Variants in MMP16 observed in about 807,000 individuals in gnomAD.
The protein encoded by MMP16 is matrix metallopeptidase 16, also known as matrix metalloproteinase-16.
MMP16 carries 12 observed loss-of-function variants against 67.8 expected under a neutral mutation model. The ratio of observed to expected loss-of-function variants is 0.18; its 90% CI spans 0.11 to 0.29. MMP16 has a LOEUF of 0.29. Ranked by LOEUF, MMP16 falls within the 10% of genes least tolerant of loss-of-function variation. MMP16 has a pLI of 1.00. For synonymous variants in MMP16, 249 were observed against 255.9 expected (o/e 0.97, Z 0.26); for missense variants, 475 against 765.7 (o/e 0.62, Z 4.48).
chr8:88,209,724 T>C (rs895178489), intron 1 of MMP16, among the ~76,000 whole-genome samples: 2 of 152,070 alleles, frequency 1.3e-5, no homozygotes, highest in African/African-American at 4.8e-5. Context: ...ATATTTGTCC[T>C]TTTGTGTCTG....
rs1456506081 is a variant in MMP16 at position 88,033,666 on chromosome 8, A to G, written c.*7795T>C. ...AAGATCTATTTGTTTAAAATCAGAT[A>G]CCTAAAAAAATCTTTCAAAACTTTT... is the stretch of plus-strand genomic sequence containing the variant. On this transcript the variant is annotated 3_prime_UTR_variant, in exon 10 of 10. Transcript: ENST00000286614. The G allele has an allele frequency of 1.3e-5, 2 of 152,048 alleles. No homozygotes were observed. The highest frequency in any genetic ancestry group is 4.8e-5 in the African/African-American group (2 of 41,432). The allele number at this position is 152,048 out of a possible 1,614,324, so 9.4% of individuals were successfully genotyped here.
intron 2 of MMP16, among the ~76,000 whole-genome samples, chr8:88,192,099 C>T (rs1809177680): frequency 6.6e-6 from 1 of 152,134 alleles, no homozygotes; most frequent in Non-Finnish European, 1.5e-5. Flanking sequence ...TTATAGTAGT[C>T]CCCAAAAGAT....
In MMP16 at chr8:88,097,919, A is replaced by G. The variant is rs372961692; in HGVS notation, c.1083+18588T>C. 9.9e-5 allele frequency among the ~76,000 whole-genome samples: 15 copies of G among 151,950 alleles called. No individual in the cohort carries two copies. In the East Asian group the frequency reaches 2.5e-3, roughly 26 times the overall value. On this transcript the variant is annotated intron_variant, in intron 6 of 9. Coordinates refer to ENST00000286614, the MANE Select transcript of MMP16 (RefSeq NM_005941.5). ...TGGAGTTAGACAAACTGTGAGCTTA[A>G]GGGCACACTACTCCAGATTGCCAGG...
chr8:88,294,369 T>C (rs551751447), intron 1 of MMP16, among the ~76,000 whole-genome samples: 7 of 151,174 alleles, frequency 4.6e-5, no homozygotes, highest in African/African-American at 1.7e-4. Context: ...TATGTAGATA[T>C]ACACACATCT....
chr8:88,252,936 G>A (rs1327106922), intron 1 of MMP16, among the ~76,000 whole-genome samples: 1 of 152,078 alleles, frequency 6.6e-6, no homozygotes, highest in Non-Finnish European at 1.5e-5. Flanking sequence ...ATGAATAGTA[G>A]ATTTGATCAA....
At chr8:88,309,866 G>A (rs1184424517) in intron 1 of MMP16, among the ~76,000 whole-genome samples, 1 of 151,972 alleles carries the variant, frequency 6.6e-6, no homozygotes, top group East Asian at 1.9e-4. Context: ...AAAACACTAT[G>A]ATCTAATTTT....
intron 1 of MMP16, among the ~76,000 whole-genome samples, chr8:88,252,215 T>C (rs1303954692): frequency 6.6e-6 from 1 of 151,800 alleles, no homozygotes; most frequent in Non-Finnish European, 1.5e-5. Context: ...TGCGGCATTA[T>C]TCACAATAGC....
Position 88,250,184 on chromosome 8 carries a change from C to G in MMP16, c.133-52878G>C, listed in dbSNP as rs28904594. Among the ~76,000 whole-genome samples the G allele has an allele frequency of 2.7e-3, 413 of 152,122 alleles. 1 individual carries two copies. Among genetic ancestry groups the G allele is most frequent in the South Asian group, 7.3e-3 (35 of 4,824 alleles). ...TTCTCAGTACCCAAAATGTTCCATT[C>G]CTGCCCGACAAATTTCTAGTCCATT... is the stretch of plus-strand genomic sequence containing the variant. On this transcript the variant is annotated intron_variant, in intron 1 of 9. Coordinates refer to ENST00000286614, the MANE Select transcript of MMP16 (RefSeq NM_005941.5).
At chr8:88,319,725 G>A (rs763599243) in intron 1 of MMP16, among the ~76,000 whole-genome samples, 6 of 152,074 alleles carry the variant, frequency 3.9e-5, no homozygotes, top group Non-Finnish European at 7.4e-5. Flanking sequence ...GACATGAAAT[G>A]AAGTTTATAA....
In MMP16 at chr8:88,041,863, T is replaced by C. The variant is rs1808137210; in HGVS notation, c.1490-68A>G. On this transcript the variant is annotated intron_variant, in intron 9 of 9. Transcript: ENST00000286614. This position sits in a 1 kb window ranked among gnomAD's most constrained non-coding sequence, Gnocchi z 6.0. ...TGACAGTGTATATGTAGAGAAATGTTACTAAAATAGGCTATGTCTTAAGAG... is the reference window on the plus strand; with the variant it reads ...TGACAGTGTATATGTAGAGAAATGTCACTAAAATAGGCTATGTCTTAAGAG... 1 of 1,188,148 alleles carries C rather than the reference T, an allele frequency of 8.4e-7. No individual in the cohort carries two copies. The highest frequency in any genetic ancestry group is 2.2e-5 in the Admixed American group (1 of 45,018). 73.6% of individuals were successfully genotyped at this position (1,188,148 alleles called of 1,614,324 possible).
chr8:88,168,485 TG>T (rs1808750188), intron 3 of MMP16, among the ~76,000 whole-genome samples: 1 of 152,212 alleles, frequency 6.6e-6, no homozygotes, highest in South Asian at 2.1e-4. Flanking sequence ...CAATTTCTGA[TG>T]TTCTATTGTT....
Position 88,058,084 on chromosome 8 carries a change from C to T in MMP16, c.1223-1806G>A, listed in dbSNP as rs954785784. Among the ~76,000 whole-genome samples, 1 of 152,038 alleles carries T rather than the reference C, an allele frequency of 6.6e-6. No individual in the cohort carries two copies. The highest frequency in any genetic ancestry group is 2.4e-5 in the African/African-American group (1 of 41,416). The stretch of plus-strand genomic sequence containing the variant: ...AAAGAAAGAGAAGGTAATAAATATG[C>T]AAAGAATATTGGGAAGTGCATTCAG... On this transcript the variant is annotated intron_variant, in intron 7 of 9. Transcript: ENST00000286614. The surrounding 1 kb of genome is among the most constrained non-coding windows in gnomAD (Gnocchi z 4.2).
chr8:88,079,391 T>A (rs888059792), intron 6 of MMP16, among the ~76,000 whole-genome samples: 2 of 152,184 alleles, frequency 1.3e-5, no homozygotes, highest in Non-Finnish European at 2.9e-5. Context: ...TGTGCCTACT[T>A]TATAAGTTAA....
intron 1 of MMP16, among the ~76,000 whole-genome samples, chr8:88,236,678 G>A (rs1366332160): frequency 6.6e-6 from 1 of 152,070 alleles, no homozygotes; most frequent in African/African-American, 2.4e-5. Context: ...GAGCCTGGGA[G>A]GTTGAGGCTG....
intron 6 of MMP16, among the ~76,000 whole-genome samples, chr8:88,078,960 C>T (rs1048160908): frequency 3.3e-5 from 5 of 152,138 alleles, no homozygotes; most frequent in African/African-American, 4.8e-5. Context: ...TGTCACCATC[C>T]GAGTCCAAGC....
At chr8:88,085,387 C>T (rs1808816859) in intron 6 of MMP16, among the ~76,000 whole-genome samples, 1 of 151,962 alleles carries the variant, frequency 6.6e-6, no homozygotes, top group Admixed American at 6.6e-5. Context: ...TTCAAAGCAA[C>T]CATTAGAATA....
chr8:88,200,324 C>T (rs1219599697), intron 1 of MMP16, among the ~76,000 whole-genome samples: 1 of 151,964 alleles, frequency 6.6e-6, no homozygotes, highest in Non-Finnish European at 1.5e-5. Flanking sequence ...TTTGAGAACA[C>T]TGAAAAAATA....
intron 3 of MMP16, among the ~76,000 whole-genome samples, chr8:88,183,133 T>C (rs1285823595): frequency 6.6e-6 from 1 of 152,158 alleles, no homozygotes; most frequent in South Asian, 2.1e-4. Context: ...ATTGTATTGG[T>C]AGATAAATGA....
chr8:88,138,424 T>C (rs1267051888), intron 4 of MMP16, among the ~76,000 whole-genome samples: 1 of 152,070 alleles, frequency 6.6e-6, no homozygotes, highest in Non-Finnish European at 1.5e-5. Context: ...GACTATTTTG[T>C]GTTTCAGTGG....
Sources: gnomAD v4.1 joint callset for allele counts (sites outside exome capture counted in the v4.1 genomes callset) on GRCh38, gnomAD v4.1.1 for gene constraint, Gnocchi (gnomAD v3.1) non-coding constraint, MANE v1.5 for transcripts, NCBI Gene and HGNC (gene_info 2026-07-23, HGNC 2026-07-21) for gene names.